PPP1R12B: variants seen among roughly 807,000 people sequenced by gnomAD.
PPP1R12B encodes the protein myosin phosphatase target subunit 2.
In PPP1R12B, 76 loss-of-function variants were observed where a neutral mutation model predicts 126.1. The observed-to-expected ratio is 0.60, with a 90% CI of 0.50 to 0.73. PPP1R12B has a LOEUF of 0.73. PPP1R12B is among the 30% of genes least tolerant of loss of function. PPP1R12B has a pLI of 0.00. For missense variants in PPP1R12B, 1,052 were observed against 1,205.1 expected, an observed-to-expected ratio of 0.87 and a Z score of 1.88; for synonymous variants, 356 against 434.7, an observed-to-expected ratio of 0.82 and a Z score of 2.25.
intron 14 of PPP1R12B, among the ~76,000 whole-genome samples, chr1:202,489,203 A>G (rs1678551296): frequency 6.6e-6 from 1 of 152,222 alleles, no homozygotes; most frequent in Admixed American, 6.5e-5. Flanking sequence ...GAACAGGTTT[A>G]TCTCTTTTCC....
intron 1 of PPP1R12B, among the ~76,000 whole-genome samples, chr1:202,399,348 G>C (rs568558029): frequency 2.0e-5 from 3 of 152,066 alleles, no homozygotes; most frequent in Non-Finnish European, 2.9e-5. Context: ...AGCCTCCTAT[G>C]TAGCTGGGAC....
Position 202,348,766 on chromosome 1 carries a change from G to C in PPP1R12B, c.-86G>C. On this transcript the variant is annotated 5_prime_UTR_variant, in exon 1 of 24. Transcript: ENST00000608999. ...TCCGCCCTCTGCTCCGGGCTGAAGC[G>C]CTCTGAGAGAGGCGGCAGCGGCAAC... The C allele has an allele frequency of 5.4e-6, 8 of 1,477,726 alleles. No individual in the cohort carries two copies. The highest frequency in any genetic ancestry group is 2.5e-4 in the Middle Eastern group (1 of 3,972). The allele number at this position is 1,477,726 out of a possible 1,614,324, so 91.5% of individuals were successfully genotyped here.
chr1:202,418,214 C>T (rs1668333329), intron 2 of PPP1R12B, among the ~76,000 whole-genome samples: 1 of 152,158 alleles, frequency 6.6e-6, no homozygotes, highest in Admixed American at 6.5e-5. Flanking sequence ...ATTCTGATGC[C>T]TAAGAGTTGA....
intron 18 of PPP1R12B, chr1:202,539,977 G>A: frequency 2.5e-6 from 3 of 1,189,984 alleles, no homozygotes; most frequent in Non-Finnish European, 3.3e-6. Flanking sequence ...CAGAGCTCAA[G>A]ACTATAATTT....
intron 18 of PPP1R12B, among the ~76,000 whole-genome samples, chr1:202,532,915 G>T (rs547873740): frequency 7.1e-6 from 1 of 140,446 alleles, no homozygotes; most frequent in African/African-American, 2.7e-5. Flanking sequence ...TGTTGCCCAG[G>T]CTGGAGTGCA....
intron 22 of PPP1R12B, among the ~76,000 whole-genome samples, chr1:202,568,693 A>G (rs1402575805): frequency 6.6e-6 from 1 of 152,164 alleles, no homozygotes; most frequent in East Asian, 1.9e-4. Flanking sequence ...TTTCTTAGAC[A>G]ATGATGTCTA....
At chr1:202,427,354 TA>T (rs937617934) in intron 5 of PPP1R12B, among the ~76,000 whole-genome samples, 170 bp downstream of exon 5, 17 of 152,166 alleles carry the variant, frequency 1.1e-4, no homozygotes, top group African/African-American at 4.1e-4. Context: ...AACACAGAGT[TA>T]TGTTTGTTAT....
chr1:202,422,616 G>A lies in PPP1R12B; in HGVS notation c.423-4G>A, dbSNP rs769004987. ...AATATTGATCCTGGATCTTGTCTACGCAGGTATTTCATTAATCACGGAGCC... is the reference window on the plus strand; with the variant it reads ...AATATTGATCCTGGATCTTGTCTACACAGGTATTTCATTAATCACGGAGCC... On this transcript the variant is annotated splice_region_variant and splice_polypyrimidine_tract_variant and intron_variant, in intron 2 of 23. Transcript: ENST00000608999. 2.9e-5 allele frequency: 47 copies of A among 1,611,968 alleles called. No homozygotes were observed. Among genetic ancestry groups the A allele is most frequent in the South Asian group, 6.6e-5 (6 of 91,012 alleles).
At chr1:202,359,113 A>T (rs576403520) in intron 1 of PPP1R12B, among the ~76,000 whole-genome samples, 1 of 152,032 alleles carries the variant, frequency 6.6e-6, no homozygotes, top group African/African-American at 2.4e-5. Flanking sequence ...AGTATACTGG[A>T]TTATTTTATA....
chr1:202,389,684 C>T (rs1663790354), intron 1 of PPP1R12B, among the ~76,000 whole-genome samples: 2 of 151,994 alleles, frequency 1.3e-5, no homozygotes, highest in Non-Finnish European at 2.9e-5. Flanking sequence ...AATCCCAGCA[C>T]TTTGGGAGGC....
intron 18 of PPP1R12B, among the ~76,000 whole-genome samples, chr1:202,514,137 T>A (rs2148900377): frequency 6.6e-6 from 1 of 152,354 alleles, no homozygotes; most frequent in African/African-American, 2.4e-5. Flanking sequence ...CTGACTGGTG[T>A]GAGATGGTAT....
intron 18 of PPP1R12B, among the ~76,000 whole-genome samples, chr1:202,532,764 A>G (rs545656122): frequency 2.6e-5 from 4 of 152,184 alleles, no homozygotes; most frequent in African/African-American, 7.2e-5. Flanking sequence ...TAGTGAGATG[A>G]AAAAACTCTG....
intron 18 of PPP1R12B, among the ~76,000 whole-genome samples, chr1:202,525,614 T>A (rs2148925368): frequency 6.8e-6 from 1 of 148,076 alleles, no homozygotes; most frequent in East Asian, 2.0e-4. Context: ...TTTTTTTTCT[T>A]TTTTTTTTTT....
Position 202,588,848 on chromosome 1 carries a change from T to TAGAG in PPP1R12B, c.*8291_*8292insGAGA, listed in dbSNP as rs1286921170. ...TAAGATAGATAGATAGATAGATAGA[T>TAGAG]AGATAGATAGATAGATAGATAGATA... On this transcript the variant is annotated 3_prime_UTR_variant, in exon 24 of 24. Coordinates refer to ENST00000608999, the MANE Select transcript of PPP1R12B (RefSeq NM_002481.4). The TAGAG allele has an allele frequency of 6.9e-6, 1 of 144,784 alleles. No homozygotes were observed. Among genetic ancestry groups the TAGAG allele is most frequent in the Non-Finnish European group, 1.5e-5 (1 of 67,468 alleles). The allele number at this position is 144,784 out of a possible 1,614,324, so 9.0% of individuals were successfully genotyped here.
Position 202,562,839 on chromosome 1 carries a change from A to G in PPP1R12B, c.2569A>G (p.Arg857Gly). ...SDSYGDRASA[R>G]ARREAREARL... is the part of the protein sequence containing the mutation. ...TTCTTACGGTGACCGGGCTTCAGCA[A>G]GAGCCCGTCGGGAGGCCCGGGAGGC... is the stretch of plus-strand genomic sequence containing the variant. The change falls in exon 20 of 24, where the codon AGA becomes GGA. Residue 857 changes from arginine to glycine, a missense_variant. Transcript: ENST00000608999. The G allele has an allele frequency of 6.2e-7, 1 of 1,613,506 alleles. No homozygotes were observed. Among genetic ancestry groups the G allele is most frequent in the Non-Finnish European group, 8.5e-7 (1 of 1,179,656 alleles).
intron 13 of PPP1R12B, among the ~76,000 whole-genome samples, chr1:202,466,829 C>G (rs1445623251): frequency 6.6e-6 from 1 of 152,084 alleles, no homozygotes; most frequent in African/African-American, 2.4e-5. Flanking sequence ...TTTCTTTCCT[C>G]TAGCCTTAAA....
intron 1 of PPP1R12B, among the ~76,000 whole-genome samples, chr1:202,416,352 C>T (rs1009123633): frequency 3.9e-5 from 6 of 151,936 alleles, no homozygotes; most frequent in African/African-American, 1.4e-4. Context: ...CATGGAGAAA[C>T]CCCATCTCTA....
chr1:202,523,056 A>T (rs1201061217), intron 18 of PPP1R12B, among the ~76,000 whole-genome samples: 1 of 152,244 alleles, frequency 6.6e-6, no homozygotes, highest in Non-Finnish European at 1.5e-5. Flanking sequence ...GCTTAATCTA[A>T]CAGATATATA....
chr1:202,531,414 T>C (rs1158017564), intron 18 of PPP1R12B, among the ~76,000 whole-genome samples: 2 of 152,186 alleles, frequency 1.3e-5, no homozygotes, highest in Non-Finnish European at 2.9e-5. Flanking sequence ...TTTTTAGTGA[T>C]ACAAATTTTG....
Sources: gnomAD v4.1 joint callset for allele counts (sites outside exome capture counted in the v4.1 genomes callset) on GRCh38, gnomAD v4.1.1 for gene constraint, MANE v1.5 for transcripts, NCBI Gene and HGNC (gene_info 2026-07-23, HGNC 2026-07-21) for gene names.